The following HSPA12A variants were observed in gnomAD, a reference collection of about 807,000 sequenced individuals.
The protein encoded by HSPA12A is heat shock protein family A (Hsp70) member 12A, also known as heat shock 70 kDa protein 12A.
In HSPA12A, 28 loss-of-function variants were observed where a neutral mutation model predicts 69.2. The observed-to-expected ratio is 0.40, with a 90% CI of 0.30 to 0.55. The LOEUF (loss-of-function observed/expected upper bound fraction) is 0.55, where lower values mean the gene tolerates loss of function less well. HSPA12A is among the 20% of genes least tolerant of loss of function. The pLI is 0.38. For missense variants in HSPA12A, 686 were observed against 900.7 expected (o/e 0.76, Z 3.05); for synonymous variants, 345 against 370.5 (o/e 0.93, Z 0.79).
At chr10:116,739,870 T>G (rs1457232038) in intron 1 of HSPA12A, among the ~76,000 whole-genome samples, 1 of 152,076 alleles carries the variant, frequency 6.6e-6, no homozygotes, top group African/African-American at 2.4e-5. Flanking sequence ...GGCACGCACC[T>G]CTGCCCACTC....
intron 1 of HSPA12A, among the ~76,000 whole-genome samples, chr10:116,839,415 A>T (rs1397898086): frequency 1.3e-5 from 2 of 152,126 alleles, no homozygotes; most frequent in African/African-American, 4.8e-5. Context: ...AAAGTCACAA[A>T]GCACTAAGTA....
At chr10:116,680,931 G>A (rs551682445) in intron 9 of HSPA12A, among the ~76,000 whole-genome samples, 178 of 152,334 alleles carry the variant, frequency 1.2e-3, no homozygotes, top group African/African-American at 4.1e-3. Flanking sequence ...AAACAGGCTC[G>A]CTTTAGGCCA....
At chr10:116,827,063 G>GA (rs1845521819) in intron 2 of HSPA12A, among the ~76,000 whole-genome samples, 2 of 152,188 alleles carry the variant, frequency 1.3e-5, no homozygotes, top group Admixed American at 1.3e-4. Context: ...TTGGCTGAAT[G>GA]AATCACTGAA....
intron 5 of HSPA12A, among the ~76,000 whole-genome samples, chr10:116,694,905 T>C (rs1554880595): frequency 6.6e-6 from 1 of 152,180 alleles, no homozygotes; most frequent in East Asian, 1.9e-4. Context: ...CGCTTGTCTC[T>C]GACTGTGGTC....
At chr10:116,828,279 C>T (rs1457807821) in intron 2 of HSPA12A, among the ~76,000 whole-genome samples, 2 of 152,194 alleles carry the variant, frequency 1.3e-5, no homozygotes, top group African/African-American at 4.8e-5. Context: ...CTTGGCAGTT[C>T]CAGGTGAAAA....
intron 1 of HSPA12A, among the ~76,000 whole-genome samples, chr10:116,711,028 A>T (rs1554883010): frequency 1.3e-5 from 2 of 152,240 alleles, no homozygotes; most frequent in African/African-American, 4.8e-5. Flanking sequence ...ACAGAATATT[A>T]TCTATTAATC....
rs555671481 is a variant in HSPA12A at position 116,679,613 on chromosome 10, C to T, written c.1176G>A (p.Ala392=). 31 of 1,614,214 alleles carry T rather than the reference C, an allele frequency of 1.9e-5. No homozygotes were observed. In the East Asian group the frequency reaches 3.1e-4, roughly 16 times the overall value. ...LMIAFESRKR[A]AAPDRTNPLN... ...GCGGGTTAGTTCTGTCTGGGGCAGC[C>T]GCCCTTTTGCGAGACTCAAACGCAA... is the stretch of plus-strand genomic sequence containing the variant. The change falls in exon 10 of 12, where the codon GCG becomes GCA. Residue 392 remains alanine (A), a synonymous_variant. Coordinates refer to ENST00000369209, the MANE Select transcript of HSPA12A (RefSeq NM_025015.3).
At chr10:116,769,856 A>G (rs1554890204) in intron 2 of HSPA12A, among the ~76,000 whole-genome samples, 1 of 152,178 alleles carries the variant, frequency 6.6e-6, no homozygotes, top group East Asian at 1.9e-4. Flanking sequence ...TGTTCGGAAG[A>G]AAATGTAGGC....
intron 2 of HSPA12A, among the ~76,000 whole-genome samples, chr10:116,819,999 T>C (rs904031999): frequency 2.0e-5 from 3 of 152,060 alleles, no homozygotes; most frequent in Non-Finnish European, 4.4e-5. Flanking sequence ...ATTTTTGTAT[T>C]TTTTTGTAAA....
chr10:116,774,670 AG>A (rs1489927112), intron 2 of HSPA12A, among the ~76,000 whole-genome samples: 1 of 152,164 alleles, frequency 6.6e-6, no homozygotes, highest in African/African-American at 2.4e-5. Flanking sequence ...AGGATTGGAG[AG>A]TGGGACATTG....
chr10:116,682,591 G>T (rs1276160528), intron 7 of HSPA12A, among the ~76,000 whole-genome samples: 1 of 152,190 alleles, frequency 6.6e-6, no homozygotes, highest in Non-Finnish European at 1.5e-5. Flanking sequence ...GCTGTGGCTT[G>T]AGGTGCTGAG....
chr10:116,768,968 A>G (rs1589694286), intron 2 of HSPA12A, among the ~76,000 whole-genome samples: 2 of 151,724 alleles, frequency 1.3e-5, no homozygotes, highest in East Asian at 3.9e-4. Flanking sequence ...CTGTGAGCAC[A>G]CTCTCTCATC....
chr10:116,744,849 G>T (rs1851614354), upstream of HSPA12A, among the ~76,000 whole-genome samples: 1 of 152,178 alleles, frequency 6.6e-6, no homozygotes. Context: ...GGGGTTCAAG[G>T]CTCAGCACGC....
chr10:116,681,386 A>C, intron 8 of HSPA12A, 130 bp from the exon 9 acceptor site: 4 of 703,304 alleles, frequency 5.7e-6, no homozygotes, highest in Non-Finnish European at 1.0e-5. Context: ...GGTTTTGCTA[A>C]TTAGCAGCTC....
intron 2 of HSPA12A, among the ~76,000 whole-genome samples, chr10:116,805,954 C>A (rs1368517541): frequency 6.6e-6 from 1 of 152,184 alleles, no homozygotes; most frequent in Non-Finnish European, 1.5e-5. Flanking sequence ...CTCAGACCAC[C>A]CAGGAGGGCA....
intron 6 of HSPA12A, 58 bp downstream of exon 6, chr10:116,692,293 C>T: frequency 4.4e-6 from 6 of 1,375,770 alleles, no homozygotes; most frequent in Non-Finnish European, 6.2e-6. Context: ...ACAGTCACCA[C>T]CCTGGACATC....
chr10:116,763,075 A>G (rs1263446306), intron 2 of HSPA12A, among the ~76,000 whole-genome samples: 1 of 152,186 alleles, frequency 6.6e-6, no homozygotes, highest in African/African-American at 2.4e-5. Context: ...TAGCTACATC[A>G]TGGTCACCTC....
intron 2 of HSPA12A, among the ~76,000 whole-genome samples, chr10:116,761,178 T>C (rs1240173384): frequency 2.0e-5 from 3 of 152,164 alleles, no homozygotes; most frequent in Admixed American, 1.3e-4. Context: ...GGTGAAACTC[T>C]GTCTCTACTA....
intron 1 of HSPA12A, among the ~76,000 whole-genome samples, chr10:116,711,794 G>T (rs1850440303): frequency 6.6e-6 from 1 of 150,794 alleles, no homozygotes; most frequent in African/African-American, 2.4e-5. Context: ...CTCCCGAGTA[G>T]CTGGGACTAC....
Sources: allele counts gnomAD v4.1 joint callset (sites outside exome capture counted in the v4.1 genomes callset), GRCh38; gene constraint gnomAD v4.1.1; transcripts MANE v1.5; gene names NCBI Gene and HGNC (gene_info 2026-07-23, HGNC 2026-07-21).